Variants in RSL24D1 observed in about 807,000 individuals in gnomAD.
The protein encoded by RSL24D1 is probable ribosome biogenesis protein RLP24.
A neutral mutation model predicts 26.2 loss-of-function variants in RSL24D1; 6 were observed. That is an observed-to-expected ratio of 0.23 (90% CI 0.13 to 0.45). The LOEUF (loss-of-function observed/expected upper bound fraction) is 0.45. RSL24D1 is among the 20% of genes least tolerant of loss of function. RSL24D1 has a pLI of 0.99. For missense variants in RSL24D1, 176 were observed against 202.6 expected (o/e 0.87, Z 0.80); for synonymous variants, 61 against 59.1 (o/e 1.03, Z -0.15).
At chr15:55,195,097 G>A (rs1254887539) in intron 1 of RSL24D1, among the ~76,000 whole-genome samples, 2 of 150,586 alleles carry the variant, frequency 1.3e-5, no homozygotes, top group African/African-American at 4.9e-5. Flanking sequence ...AACTAGGACA[G>A]GAAAGTAGAA....
At chr15:55,184,487 A>T (rs1408138073) in intron 4 of RSL24D1, among the ~76,000 whole-genome samples, 2 of 152,242 alleles carry the variant, frequency 1.3e-5, no homozygotes, top group Admixed American at 6.5e-5. Flanking sequence ...CAACTAAAAA[A>T]TGTAGAAGAA....
intron 2 of RSL24D1, 36 bp from the exon 3 acceptor site, chr15:55,191,083 T>C: frequency 7.0e-7 from 1 of 1,419,754 alleles, no homozygotes. Flanking sequence ...AAATAAGGTT[T>C]TAAGAAAGGT....
In RSL24D1 at chr15:55,192,782, T is replaced by C. The variant is rs17852590; in HGVS notation, c.133A>G (p.Asn45Asp). 1 of 1,613,994 alleles carries C rather than the reference T, an allele frequency of 6.2e-7. No individual in the cohort carries two copies. The highest frequency in any genetic ancestry group is 8.5e-7 in the Non-Finnish European group (1 of 1,179,882). The change falls in exon 2 of 6, where the codon AAT (asparagine) becomes GAT (aspartate). Residue 45 changes from asparagine to aspartate, a missense_variant. Around this residue, in one of 3 missense-constraint regions of RSL24D1, gnomAD observed 89 missense variants for 135.1 expected, o/e 0.66. Coordinates refer to ENST00000260443, the MANE Select transcript of RSL24D1 (RefSeq NM_016304.3). ...TTGGTCCACCTAACTTTGCGAGGAT[T>C]GCGCTTCTTTTTAAAGTTTTTATGA... is the stretch of plus-strand genomic sequence containing the variant. ...KCHKNFKKKR[N>D]PRKVRWTKAF...
chr15:55,192,518 A>G, intron 2 of RSL24D1: 1 of 423,288 alleles, frequency 2.4e-6, no homozygotes, highest in Non-Finnish European at 4.3e-6. Flanking sequence ...CTTGGTCTGC[A>G]AGAGCTAAAA....
chr15:55,188,007 A>G (rs2140592896), intron 3 of RSL24D1, among the ~76,000 whole-genome samples: 1 of 152,364 alleles, frequency 6.6e-6, no homozygotes, highest in East Asian at 1.9e-4. Flanking sequence ...GACAAAGTGC[A>G]AACTATTTTT....
intron 3 of RSL24D1, among the ~76,000 whole-genome samples, chr15:55,188,498 C>T (rs1271240429): frequency 2.6e-5 from 4 of 152,138 alleles, no homozygotes; most frequent in Non-Finnish European, 5.9e-5. Flanking sequence ...CTAACAGAAA[C>T]AATAAAATAG....
At chr15:55,185,113 T>C (rs1428917231) in intron 4 of RSL24D1, among the ~76,000 whole-genome samples, 1 of 152,198 alleles carries the variant, frequency 6.6e-6, no homozygotes, top group Non-Finnish European at 1.5e-5. Context: ...GAGAATGTTC[T>C]TATTTTTAGG....
At position 55,196,205 on chromosome 15, in the gene RSL24D1, G is replaced by A. The variant is rs536915928; in HGVS notation, c.81+605C>T. ...AATCCAGTCACTTCCTCAAACAAATGTATTTGCTCCGTTCTCTGCCTTTTC... is the reference window on the plus strand; with the variant it reads ...AATCCAGTCACTTCCTCAAACAAATATATTTGCTCCGTTCTCTGCCTTTTC... On this transcript the variant is annotated intron_variant, in intron 1 of 5. Transcript: ENST00000260443. The A allele has an allele frequency of 3.3e-4, 132 of 402,752 alleles. 1 individual carries two copies. The highest frequency in any genetic ancestry group is 2.3e-3 in the South Asian group (128 of 54,962). The allele number at this position is 402,752 out of a possible 1,614,324, so 24.9% of individuals were successfully genotyped here.
intron 3 of RSL24D1, among the ~76,000 whole-genome samples, chr15:55,189,567 T>C (rs937443399): frequency 6.6e-6 from 1 of 152,180 alleles, no homozygotes; most frequent in African/African-American, 2.4e-5. Context: ...CCAATATAAA[T>C]TCGTAAACTT....
intron 4 of RSL24D1, among the ~76,000 whole-genome samples, chr15:55,184,997 T>C (rs780747220): frequency 6.6e-6 from 1 of 152,246 alleles, no homozygotes; most frequent in Non-Finnish European, 1.5e-5. Context: ...GCTATGGACG[T>C]AATCAGAATA....
chr15:55,188,056 C>T (rs947298069), intron 3 of RSL24D1, among the ~76,000 whole-genome samples: 1 of 152,220 alleles, frequency 6.6e-6, no homozygotes, highest in African/African-American at 2.4e-5. Flanking sequence ...ACTGTTTCTA[C>T]AGACATCAGT....
At chr15:55,195,599 A>C (rs898382523) in intron 1 of RSL24D1, 2 of 152,228 alleles carry the variant, frequency 1.3e-5, no homozygotes, top group East Asian at 3.8e-4. Flanking sequence ...ATCCTGGACG[A>C]AAATCACAAA....
chr15:55,191,559 C>A (rs1334598053), intron 2 of RSL24D1, among the ~76,000 whole-genome samples: 1 of 152,102 alleles, frequency 6.6e-6, no homozygotes, highest in Non-Finnish European at 1.5e-5. Context: ...TATATATCTT[C>A]AAATAAATGA....
chr15:55,186,113 T>C (rs532365287), intron 3 of RSL24D1, among the ~76,000 whole-genome samples: 44 of 152,176 alleles, frequency 2.9e-4, no homozygotes, highest in Admixed American at 1.8e-3. Flanking sequence ...TCACTCAACA[T>C]GCAATCTATA....
At chr15:55,182,428 A>C (rs1327034896) in intron 5 of RSL24D1, among the ~76,000 whole-genome samples, 1 of 152,112 alleles carries the variant, frequency 6.6e-6, no homozygotes, top group Non-Finnish European at 1.5e-5. Flanking sequence ...TGCTCATTTC[A>C]CCCTCATAAC....
At chr15:55,188,688 T>G (rs1464324826) in intron 3 of RSL24D1, among the ~76,000 whole-genome samples, 1 of 152,208 alleles carries the variant, frequency 6.6e-6, no homozygotes, top group Non-Finnish European at 1.5e-5. Context: ...TCGAGCAATG[T>G]AAATAACATG....
intron 4 of RSL24D1, among the ~76,000 whole-genome samples, 196 bp downstream of exon 4, chr15:55,185,166 C>T (rs924395445): frequency 1.2e-4 from 18 of 152,060 alleles, no homozygotes; most frequent in Non-Finnish European, 2.2e-4. Context: ...AGCATTATGT[C>T]TTCAATACAT....
intron 2 of RSL24D1, among the ~76,000 whole-genome samples, chr15:55,191,437 A>G (rs1894296357): frequency 6.6e-6 from 1 of 152,316 alleles, no homozygotes; most frequent in South Asian, 2.1e-4. Context: ...AAAAAAGTCA[A>G]CATCAAGAAT....
In RSL24D1 at chr15:55,182,858, G is replaced by A. The variant is rs1198867083; in HGVS notation, c.418+457C>T. On this transcript the variant is annotated intron_variant, in intron 5 of 5. Coordinates refer to ENST00000260443, the MANE Select transcript of RSL24D1 (RefSeq NM_016304.3). The stretch of plus-strand genomic sequence containing the variant: ...ATAAAAGACTGTACTGGTGTTAGCT[G>A]AGCAAAAGAAACAGTAGTCCCAATT... 2.0e-5 allele frequency among the ~76,000 whole-genome samples: 3 copies of A among 152,132 alleles called. No homozygotes were observed. In the South Asian group the frequency reaches 6.2e-4, roughly 32 times the overall value.
Sources: allele counts gnomAD v4.1 joint callset (sites outside exome capture counted in the v4.1 genomes callset), GRCh38; gene constraint gnomAD v4.1.1; regional missense constraint gnomAD v4.1.1; transcripts MANE v1.5; gene names NCBI Gene and HGNC (gene_info 2026-07-23, HGNC 2026-07-21).